Variants in SCML2 observed in about 807,000 individuals in gnomAD.
SCML2 encodes Scm polycomb group protein like 2, also known as sex comb on midleg-like protein 2.
SCML2 carries 6 observed loss-of-function variants against 48.4 expected under a neutral mutation model. That is an observed-to-expected ratio of 0.12 (90% CI 0.07 to 0.24). The LOEUF (loss-of-function observed/expected upper bound fraction) is 0.24. SCML2 is among the 10% of genes least tolerant of loss of function. SCML2 has a pLI of 1.00. For missense variants in SCML2, 377 were observed against 528.2 expected, an observed-to-expected ratio of 0.71 and a Z score of 2.81; for synonymous variants, 181 against 189.5, an observed-to-expected ratio of 0.95 and a Z score of 0.37.
In SCML2 at chrX:18,252,792, T is replaced by C. The variant is rs755269034; in HGVS notation, c.1456+4056A>G. On this transcript the variant is annotated intron_variant, in intron 11 of 14. Transcript: ENST00000251900. ...AGGGCCATACCTAGGCAAAAATAAATCAAAAAAGATTTAGCAGCTTCACAC... is the reference window on the plus strand; with the variant it reads ...AGGGCCATACCTAGGCAAAAATAAACCAAAAAAGATTTAGCAGCTTCACAC... Among the ~76,000 whole-genome samples the C allele has an allele frequency of 2.7e-5, 3 of 111,905 alleles. No homozygotes were observed. In the South Asian group the frequency reaches 1.1e-3, roughly 41 times the overall value.
At chrX:18,333,465 AT>A (rs1304241806) in intron 2 of SCML2, among the ~76,000 whole-genome samples, 3 of 111,613 alleles carry the variant, frequency 2.7e-5, no homozygotes, top group Admixed American at 9.5e-5. Flanking sequence ...CTACAGAAGG[AT>A]TTTTCTAAAA....
intron 7 of SCML2, among the ~76,000 whole-genome samples, chrX:18,302,388 A>C (rs1055582637): frequency 9.0e-6 from 1 of 111,195 alleles, no homozygotes; most frequent in Non-Finnish European, 1.9e-5. Flanking sequence ...CCAGTGTCCT[A>C]GATTGACTTC....
rs1281130187 is a variant in SCML2 at position 18,239,770 on chromosome X, G to A, written c.*1481C>T. The A allele has an allele frequency of 8.9e-6, 1 of 111,795 alleles. No homozygotes were observed. Among genetic ancestry groups the A allele is most frequent in the African/African-American group, 3.3e-5 (1 of 30,591 alleles). The allele number at this position is 111,795 out of a possible 1,213,427, so 9.2% of individuals were successfully genotyped here. On this transcript the variant is annotated 3_prime_UTR_variant, in exon 15 of 15. Transcript: ENST00000251900. ...GCCTGTAATCCCAGCATTTTGCAAG[G>A]CCGAGGTGGGCGGATCACCTGAGGT...
At chrX:18,276,983 T>C (rs988643102) in intron 7 of SCML2, among the ~76,000 whole-genome samples, 1 of 110,963 alleles carries the variant, frequency 9.0e-6, no homozygotes, top group Non-Finnish European at 1.9e-5. Flanking sequence ...AATTTTATGT[T>C]ATGTGAATTT....
In SCML2 at chrX:18,282,220, C is replaced by T. The variant is rs749069496; in HGVS notation, c.731-16418G>A. Among the ~76,000 whole-genome samples the T allele has an allele frequency of 2.7e-5, 3 of 110,918 alleles. No individual in the cohort carries two copies. In the Admixed American group the frequency reaches 2.9e-4, roughly 11 times the overall value. On this transcript the variant is annotated intron_variant, in intron 7 of 14. Coordinates refer to ENST00000251900, the MANE Select transcript of SCML2 (RefSeq NM_006089.3). The stretch of plus-strand genomic sequence containing the variant: ...TGCAAAAATAAACATGATTGATAGA[C>T]CACTAGCTAGGTTAACAAAGAAAAA...
intron 13 of SCML2, 30 bp downstream of exon 13, chrX:18,246,547 C>T (rs374376620): frequency 8.6e-7 from 1 of 1,164,950 alleles, no homozygotes; most frequent in South Asian, 2.0e-5. Flanking sequence ...AAAAGACAAA[C>T]ACATTGAGAG....
At chrX:18,346,210 A>C (rs1248115430) in intron 1 of SCML2, among the ~76,000 whole-genome samples, 1 of 109,987 alleles carries the variant, frequency 9.1e-6, no homozygotes, top group African/African-American at 3.3e-5. Flanking sequence ...CACCTCCAAT[A>C]TCTCTCTCTT....
intron 6 of SCML2, among the ~76,000 whole-genome samples, chrX:18,312,231 A>G (rs1208524973): frequency 8.9e-6 from 1 of 111,968 alleles, no homozygotes; most frequent in Admixed American, 9.6e-5. Flanking sequence ...AGTGTTAACA[A>G]TGGAGACGGC....
intron 5 of SCML2, among the ~76,000 whole-genome samples, chrX:18,323,470 A>G (rs959141768): frequency 8.9e-6 from 1 of 111,752 alleles, no homozygotes; most frequent in African/African-American, 3.2e-5. Flanking sequence ...GCTTATCCCC[A>G]TACCAAAATT....
At chrX:18,298,510 C>T (rs750884032) in intron 7 of SCML2, among the ~76,000 whole-genome samples, 7 of 112,342 alleles carry the variant, frequency 6.2e-5, no homozygotes, top group Non-Finnish European at 1.1e-4. Flanking sequence ...CATTGGGACA[C>T]GGACACCGTT....
intron 2 of SCML2, 104 bp downstream of exon 2, chrX:18,333,944 TAA>T: frequency 1.4e-6 from 1 of 709,492 alleles, no homozygotes; most frequent in Non-Finnish European, 2.1e-6. Context: ...GCATCTCCTA[TAA>T]ATTTATTTTT....
In SCML2 at chrX:18,281,605, G is replaced by C. The variant is rs766665554; in HGVS notation, c.731-15803C>G. On this transcript the variant is annotated intron_variant, in intron 7 of 14. Coordinates refer to ENST00000251900, the MANE Select transcript of SCML2 (RefSeq NM_006089.3). ...CAGGCACCTGTAATCCCAGCTACTCGGGAGGCTGAGGCATAAGAATCACCT... is the reference window on the plus strand; with the variant it reads ...CAGGCACCTGTAATCCCAGCTACTCCGGAGGCTGAGGCATAAGAATCACCT... Among the ~76,000 whole-genome samples the C allele has an allele frequency of 2.8e-5, 3 of 108,117 alleles. No homozygotes were observed. In the East Asian group the frequency reaches 8.8e-4, roughly 32 times the overall value. The allele number at this position is 108,117 out of a possible 115,157, so 93.9% of individuals were successfully genotyped here.
At chrX:18,327,325 G>A (rs925505663) in intron 3 of SCML2, among the ~76,000 whole-genome samples, 3 of 111,390 alleles carry the variant, frequency 2.7e-5, no homozygotes, top group Non-Finnish European at 3.8e-5. Flanking sequence ...AGCCAAGATC[G>A]CGCCACTGCA....
rs1376326109 is a variant in SCML2, at chrX:18,292,458, G to GT, written c.730+12513dup. On this transcript the variant is annotated intron_variant, in intron 7 of 14. Coordinates refer to ENST00000251900, the MANE Select transcript of SCML2 (RefSeq NM_006089.3). ...TGGAACAGCCATACAATGGAATGCA[G>GT]TGCAGACATAAATTTCAATTTATAG... Among the ~76,000 whole-genome samples, 4 of 110,972 alleles carry GT rather than the reference G, an allele frequency of 3.6e-5. No individual in the cohort carries two copies. In the East Asian group the frequency reaches 1.1e-3, roughly 31 times the overall value.
At chrX:18,304,614 G>T (rs1256195421) in intron 7 of SCML2, among the ~76,000 whole-genome samples, 2 of 111,980 alleles carry the variant, frequency 1.8e-5, no homozygotes, top group Admixed American at 1.9e-4. Context: ...TTTGAGATAT[G>T]AACAATGGAA....
At chrX:18,351,044 G>A (rs1289033570) in intron 1 of SCML2, among the ~76,000 whole-genome samples, 1 of 110,752 alleles carries the variant, frequency 9.0e-6, no homozygotes, top group Non-Finnish European at 1.9e-5. Context: ...CAAGGCAGGA[G>A]GATCACCTGA....
At chrX:18,267,742 C>T (rs762607909) in intron 7 of SCML2, among the ~76,000 whole-genome samples, 1 of 109,383 alleles carries the variant, frequency 9.1e-6, no homozygotes, top group East Asian at 2.9e-4. Context: ...CCCGCCACTA[C>T]GCCCAACTAC....
chrX:18,246,804 C>A lies in SCML2; in HGVS notation c.1595G>T (p.Ser532Ile), dbSNP rs759330967. ...AAGATTCTCCTCTTTGGGAATGGCACTTCCCCCAGCAAACAATGGTTCTCC... is the reference window on the plus strand; with the variant it reads ...AAGATTCTCCTCTTTGGGAATGGCAATTCCCCCAGCAAACAATGGTTCTCC... Reference protein sequence around the residue: ...SEGEPLFAGGSAIPKEENLSE... With the variant: ...SEGEPLFAGGIAIPKEENLSE... Residue 532 changes from serine (S) to isoleucine (I), a missense_variant, in exon 13 of 15, where the codon AGT becomes ATT. By Grantham distance (142) the Ser-to-Ile change is moderately radical (BLOSUM62 -2). Coordinates refer to ENST00000251900, the MANE Select transcript of SCML2 (RefSeq NM_006089.3). The A allele has an allele frequency of 8.3e-7, 1 of 1,203,122 alleles. No individual in the cohort carries two copies. Among genetic ancestry groups the A allele is most frequent in the Middle Eastern group, 2.3e-4 (1 of 4,292 alleles).
intron 1 of SCML2, among the ~76,000 whole-genome samples, chrX:18,336,701 C>T (rs888796549): frequency 8.1e-5 from 9 of 110,464 alleles, no homozygotes; most frequent in African/African-American, 3.0e-4. Context: ...CACGCCACTG[C>T]ACTCCAGCCT....
Sources: allele counts gnomAD v4.1 joint callset (sites outside exome capture counted in the v4.1 genomes callset), GRCh38; gene constraint gnomAD v4.1.1; transcripts MANE v1.5; gene names NCBI Gene and HGNC (gene_info 2026-07-23, HGNC 2026-07-21).